SLC38A3: variants seen among roughly 807,000 people sequenced by gnomAD.
SLC38A3 encodes the protein solute carrier family 38 member 3.
SLC38A3 carries 17 observed loss-of-function variants against 59.5 expected under a neutral mutation model. The ratio of observed to expected loss-of-function variants is 0.29; its 90% CI spans 0.20 to 0.43. SLC38A3 has a LOEUF of 0.43. SLC38A3 is among the 20% of genes least tolerant of loss of function. The probability of loss-of-function intolerance (pLI) is 1.00; values close to 1 mark genes in which losing one functional copy is unlikely to be tolerated. For synonymous variants in SLC38A3, 238 were observed against 260.3 expected, an observed-to-expected ratio of 0.91 and a Z score of 0.82; for missense variants, 454 against 653.9, an observed-to-expected ratio of 0.69 and a Z score of 3.33.
Position 50,215,413 on chromosome 3 carries a change from CT to C in SLC38A3, c.328del (p.Ser110ProfsTer67). The C allele has an allele frequency of 6.2e-7, 1 of 1,614,036 alleles. No homozygotes were observed. Among genetic ancestry groups the C allele is most frequent in the Non-Finnish European group, 8.5e-7 (1 of 1,179,880 alleles). On this transcript the variant is annotated frameshift_variant, in exon 5 of 16. Coordinates refer to ENST00000614032, the MANE Select transcript of SLC38A3 (RefSeq NM_006841.6). LOFTEE classifies it high-confidence loss of function. This position sits in a 1 kb window ranked among gnomAD's most constrained non-coding sequence, Gnocchi z 7.1. ...TCCTGTTGACAGCTGTCGCCTTGCT[CT>C]CCAGCTACTCCATCCACCTGCTACT... ...LFLLTAVALL[S>X]SYSIHLLLKS...
In SLC38A3 at chr3:50,220,135, T is replaced by C; in HGVS notation, c.1473T>C (p.Ile491=). The C allele has an allele frequency of 1.2e-6, 2 of 1,603,094 alleles. No homozygotes were observed. The highest frequency in any genetic ancestry group is 1.7e-6 in the Non-Finnish European group (2 of 1,174,210). The change falls in exon 16 of 16, where the codon ATT becomes ATC. Residue 491 remains isoleucine, a synonymous_variant. Transcript: ENST00000614032. ...LMTMSLSFII[I]DWASGTSRHG... Reference sequence around the variant, plus strand: ...CCATGAGCTTGAGCTTCATCATCATTGACTGGGCCTCAGGGACCAGCCGGC... The same window carrying C: ...CCATGAGCTTGAGCTTCATCATCATCGACTGGGCCTCAGGGACCAGCCGGC...
In SLC38A3 at chr3:50,218,119, T is replaced by A; in HGVS notation, c.935+123T>A. On this transcript the variant is annotated intron_variant, in intron 11 of 15. Transcript: ENST00000614032. This position sits in a 1 kb window ranked among gnomAD's most constrained non-coding sequence, Gnocchi z 5.8. Reference sequence around the variant, plus strand: ...CAAGTCACTTTATCTGAGATGTCCTTGGCAGCCATGAGAGGTGATTATGAG... The same window carrying A: ...CAAGTCACTTTATCTGAGATGTCCTAGGCAGCCATGAGAGGTGATTATGAG... 1 of 1,108,134 alleles carries A rather than the reference T, an allele frequency of 9.0e-7. No individual in the cohort carries two copies. Among genetic ancestry groups the A allele is most frequent in the Non-Finnish European group, 1.4e-6 (1 of 739,270 alleles). 68.6% of individuals were successfully genotyped at this position (1,108,134 alleles called of 1,614,324 possible).
At position 50,215,550 on chromosome 3, in the gene SLC38A3, G is replaced by A. The variant is rs2109155438; in HGVS notation, c.380G>A (p.Arg127His). ...LLKSSGVVGIRAYEQLGYRAF... is the reference protein window; with the variant it reads ...LLKSSGVVGIHAYEQLGYRAF... Reference sequence around the variant, plus strand: ...CTTGACCCTGCTCCTGCAGGCATCCGTGCCTATGAGCAGCTGGGCTACCGT... The same window carrying A: ...CTTGACCCTGCTCCTGCAGGCATCCATGCCTATGAGCAGCTGGGCTACCGT... Residue 127 changes from arginine to histidine, a missense_variant, in exon 6 of 16, where the codon CGT becomes CAT. Arg to His is a conservative substitution (Grantham distance 29). Transcript: ENST00000614032. This position sits in a 1 kb window ranked among gnomAD's most constrained non-coding sequence, Gnocchi z 7.1. 1 of 1,613,894 alleles carries A rather than the reference G, an allele frequency of 6.2e-7. No individual in the cohort carries two copies. Among genetic ancestry groups the A allele is most frequent in the Non-Finnish European group, 8.5e-7 (1 of 1,179,884 alleles).
chr3:50,219,398 C>A (rs1257053314), intron 14 of SLC38A3, among the ~76,000 whole-genome samples: 1 of 152,186 alleles, frequency 6.6e-6, no homozygotes, highest in Non-Finnish European at 1.5e-5. Context: ...TCTGAAATGT[C>A]TTTGGGGTGA....
intron 1 of SLC38A3, among the ~76,000 whole-genome samples, chr3:50,206,794 G>A (rs1699653436): frequency 6.6e-6 from 1 of 152,208 alleles, no homozygotes; most frequent in Admixed American, 6.5e-5. Context: ...TGTCTTCGCT[G>A]GCTTCTCAAG....
At chr3:50,211,243 G>A (rs142849167) in intron 1 of SLC38A3, among the ~76,000 whole-genome samples, 55 of 152,328 alleles carry the variant, frequency 3.6e-4, no homozygotes, top group Non-Finnish European at 6.9e-4. Flanking sequence ...TCAAAAATGG[G>A]CTGGCAGCCT....
chr3:50,205,675 T>C (rs1233076210), intron 1 of SLC38A3, among the ~76,000 whole-genome samples: 1 of 152,080 alleles, frequency 6.6e-6, no homozygotes, highest in Non-Finnish European at 1.5e-5. Context: ...GACGCCTTGT[T>C]GGGGGCTCGG....
At chr3:50,213,661 G>A (rs960494157) in intron 1 of SLC38A3, among the ~76,000 whole-genome samples, 3 of 152,236 alleles carry the variant, frequency 2.0e-5, no homozygotes, top group Non-Finnish European at 2.9e-5. Context: ...GCCTCCAGCC[G>A]TCGGGCAGTG....
chr3:50,214,405 C>T lies in SLC38A3; in HGVS notation c.105C>T (p.Val35=), dbSNP rs775172352. The T allele has an allele frequency of 8.8e-6, 14 of 1,590,410 alleles. No homozygotes were observed. The African/African-American group carries it at 1.3e-4, about 15-fold the overall frequency. ...VITPMAGNQR[V]EDPARSCMEG... is the part of the protein sequence containing the mutation. ...CCACCCTGACCTGTGCCTACAGGGT[C>T]GAGGACCCTGCACGGAGCTGTATGG... The change falls in exon 3 of 16, where the codon GTC becomes GTT. Residue 35 remains valine (V), a synonymous_variant. Coordinates refer to ENST00000614032, the MANE Select transcript of SLC38A3 (RefSeq NM_006841.6). The surrounding 1 kb of genome is among the most constrained non-coding windows in gnomAD (Gnocchi z 6.0).
chr3:50,211,565 A>AT (rs1234274400), intron 1 of SLC38A3, among the ~76,000 whole-genome samples: 2 of 76,374 alleles, frequency 2.6e-5, no homozygotes, highest in African/African-American at 1.0e-4. Context: ...TGATGCCCCC[A>AT]TCCTTTTTTT....
rs773646375 is a variant in SLC38A3 at position 50,217,742 on chromosome 3, T to C, written c.757T>C (p.Phe253Leu). The change falls in exon 10 of 16, where the codon TTC becomes CTC. Residue 253 changes from phenylalanine (F) to leucine (L), a missense_variant. Coordinates refer to ENST00000614032, the MANE Select transcript of SLC38A3 (RefSeq NM_006841.6). The surrounding 1 kb of genome is among the most constrained non-coding windows in gnomAD (Gnocchi z 4.9). ...PPNFNNTTGN[F>L]SHVEIVKEKV... ...CAACTTCAACAACACCACAGGCAAC[T>C]TCAGCCACGTGGAGATCGTGAAGGA... is the stretch of plus-strand genomic sequence containing the variant. 2.5e-6 allele frequency: 4 copies of C among 1,613,614 alleles called. No homozygotes were observed. Among genetic ancestry groups the C allele is most frequent in the Non-Finnish European group, 3.4e-6 (4 of 1,179,790 alleles).
chr3:50,209,198 G>A (rs1381419416), intron 1 of SLC38A3, among the ~76,000 whole-genome samples: 2 of 152,242 alleles, frequency 1.3e-5, no homozygotes, highest in Non-Finnish European at 2.9e-5. Flanking sequence ...CAATGGGTGA[G>A]GTGGGGGCTG....
chr3:50,209,326 G>C (rs1699691038), intron 1 of SLC38A3, among the ~76,000 whole-genome samples: 2 of 152,174 alleles, frequency 1.3e-5, no homozygotes, highest in Admixed American at 1.3e-4. Context: ...CCTAAGGTTA[G>C]GCCCAGCTAC....
chr3:50,221,389 C>A lies in SLC38A3; in HGVS notation c.*1212C>A, dbSNP rs1043793212. The A allele has an allele frequency of 6.6e-6, 1 of 152,300 alleles. No homozygotes were observed. Among genetic ancestry groups the A allele is most frequent in the African/African-American group, 2.4e-5 (1 of 41,462 alleles). The allele number at this position is 152,300 out of a possible 1,614,324, so 9.4% of individuals were successfully genotyped here. On this transcript the variant is annotated 3_prime_UTR_variant, in exon 16 of 16. Coordinates refer to ENST00000614032, the MANE Select transcript of SLC38A3 (RefSeq NM_006841.6). Reference sequence around the variant, plus strand: ...CCTAGCTCCCAGGCTGCCATGTCAACTCTCTGTCAATGCCCTGAGTCTGGG... The same window carrying A: ...CCTAGCTCCCAGGCTGCCATGTCAAATCTCTGTCAATGCCCTGAGTCTGGG...
chr3:50,205,435 C>T (rs1190611130), intron 1 of SLC38A3, 87 bp downstream of exon 1: 1 of 152,372 alleles, frequency 6.6e-6, no homozygotes, highest in East Asian at 1.9e-4. Context: ...TAGCCGGGCT[C>T]TGGGCAGCTC....
Position 50,215,336 on chromosome 3 carries a change from G to T in SLC38A3, c.300-50G>T. 6.4e-7 allele frequency: 1 copy of T among 1,563,494 alleles called. No individual in the cohort carries two copies. Among genetic ancestry groups the T allele is most frequent in the Admixed American group, 1.7e-5 (1 of 59,916 alleles). ...GAGCCCCTCACCCTCTGCCAGCCAC[G>T]GTAGCCCCCCAGTGGCCTCTTTTTC... On this transcript the variant is annotated intron_variant, in intron 4 of 15. Coordinates refer to ENST00000614032, the MANE Select transcript of SLC38A3 (RefSeq NM_006841.6). The surrounding 1 kb of genome is among the most constrained non-coding windows in gnomAD (Gnocchi z 7.1).
chr3:50,219,903 C>T lies in SLC38A3; in HGVS notation c.1329C>T (p.Leu443=), dbSNP rs779563266. The change falls in exon 15 of 16, where the codon CTC becomes CTT. Residue 443 remains leucine (L), a synonymous_variant. Transcript: ENST00000614032. ...GVIGATSAPF[L]IFIFPAIFYF... ...CAGGTGCCACATCTGCCCCATTCCT[C>T]ATCTTCATCTTCCCTGCCATCTTCT... 9.9e-6 allele frequency: 16 copies of T among 1,612,882 alleles called. No homozygotes were observed. Among genetic ancestry groups the T allele is most frequent in the Non-Finnish European group, 1.4e-5 (16 of 1,179,496 alleles).
chr3:50,211,560 C>T (rs1177585803), intron 1 of SLC38A3, among the ~76,000 whole-genome samples: 1 of 148,746 alleles, frequency 6.7e-6, no homozygotes, highest in African/African-American at 2.5e-5. Flanking sequence ...TTCCTTGATG[C>T]CCCCATCCTT....
Position 50,215,326 on chromosome 3 carries a change from TGCCA to T in SLC38A3, c.300-55_300-52del. On this transcript the variant is annotated intron_variant, in intron 4 of 15. Coordinates refer to ENST00000614032, the MANE Select transcript of SLC38A3 (RefSeq NM_006841.6). This position sits in a 1 kb window ranked among gnomAD's most constrained non-coding sequence, Gnocchi z 7.1. ...AGGCCTCCCAGAGCCCCTCACCCTC[TGCCA>T]GCCACGGTAGCCCCCCAGTGGCCTC... 6.6e-7 allele frequency: 1 copy of T among 1,521,714 alleles called. No homozygotes were observed. Among genetic ancestry groups the T allele is most frequent in the Non-Finnish European group, 9.1e-7 (1 of 1,096,682 alleles). The allele number at this position is 1,521,714 out of a possible 1,614,324, so 94.3% of individuals were successfully genotyped here. A position where few individuals can be genotyped will look rare whatever the true frequency, so the allele number is the denominator to read the frequency against.
Sources: gnomAD v4.1 joint callset for allele counts (sites outside exome capture counted in the v4.1 genomes callset) on GRCh38, gnomAD v4.1.1 for gene constraint, Gnocchi (gnomAD v3.1) non-coding constraint, MANE v1.5 for transcripts, NCBI Gene and HGNC (gene_info 2026-07-23, HGNC 2026-07-21) for gene names.